The following RSL24D1 variants were observed in gnomAD, a reference collection of about 807,000 sequenced individuals.
RSL24D1 encodes the protein ribosomal L24 domain containing 1, also known as probable ribosome biogenesis protein RLP24.
Under a neutral mutation model 26.2 loss-of-function variants are expected in RSL24D1, and 6 were observed. That is an observed-to-expected ratio of 0.23 (90% CI 0.13 to 0.45). The LOEUF (loss-of-function observed/expected upper bound fraction) is 0.45. RSL24D1 is among the 20% of genes least tolerant of loss of function. RSL24D1 has a pLI of 0.99. For missense variants in RSL24D1, 176 were observed against 202.6 expected (o/e 0.87, Z 0.80); for synonymous variants, 61 against 59.1 (o/e 1.03, Z -0.15).
At chr15:55,194,825 C>G (rs893992409) in intron 1 of RSL24D1, among the ~76,000 whole-genome samples, 107 of 150,536 alleles carry the variant, frequency 7.1e-4, no homozygotes, top group Non-Finnish European at 1.2e-3. Context: ...CACACACACA[C>G]ACACACACAC....
At position 55,181,001 on chromosome 15, in the gene RSL24D1, A is replaced by G. The variant is rs1894160085; in HGVS notation, c.*1151T>C. On this transcript the variant is annotated 3_prime_UTR_variant, in exon 6 of 6. Coordinates refer to ENST00000260443, the MANE Select transcript of RSL24D1 (RefSeq NM_016304.3). ...TAACACTTGGTCCAGGGACTGGTCT[A>G]CAGCCTTAGTTTTACTATCTAATAC... The G allele has an allele frequency of 1.3e-5, 2 of 152,164 alleles. No homozygotes were observed. The highest frequency in any genetic ancestry group is 4.8e-5 in the African/African-American group (2 of 41,434). The allele number at this position is 152,164 out of a possible 1,614,324, so 9.4% of individuals were successfully genotyped here.
chr15:55,193,134 A>C (rs147050627), intron 1 of RSL24D1, among the ~76,000 whole-genome samples: 2,504 of 152,346 alleles, frequency 0.016, 38 homozygotes, highest in Middle Eastern at 0.041. Flanking sequence ...TCCTTTCTTA[A>C]TTCAGGATAA....
chr15:55,187,124 T>C (rs968528240), intron 3 of RSL24D1, among the ~76,000 whole-genome samples: 1 of 152,134 alleles, frequency 6.6e-6, no homozygotes, highest in Non-Finnish European at 1.5e-5. Context: ...ACCTACTATA[T>C]CTGAATCTAC....
At chr15:55,191,198 A>G (rs997553763) in intron 2 of RSL24D1, 151 bp from the exon 3 acceptor site, 1 of 575,324 alleles carries the variant, frequency 1.7e-6, no homozygotes, top group African/African-American at 1.9e-5. Context: ...AGGTTTTCAA[A>G]TTTTTTCTCC....
At chr15:55,183,785 T>C (rs1894195335) in intron 4 of RSL24D1, among the ~76,000 whole-genome samples, 1 of 152,178 alleles carries the variant, frequency 6.6e-6, no homozygotes, top group Non-Finnish European at 1.5e-5. Context: ...CGTAATTAGC[T>C]CAAAATAGGA....
At chr15:55,190,202 C>T (rs999597806) in intron 3 of RSL24D1, among the ~76,000 whole-genome samples, 4 of 140,594 alleles carry the variant, frequency 2.8e-5, no homozygotes, top group African/African-American at 5.4e-5. Flanking sequence ...GAGCCGAGAT[C>T]GTGCCACTGC....
At chr15:55,192,325 C>G (rs1053075858) in intron 2 of RSL24D1, 1 of 159,758 alleles carries the variant, frequency 6.3e-6, no homozygotes, top group African/African-American at 2.4e-5. Context: ...ACCAACACTA[C>G]TAATTTCTCT....
At chr15:55,194,364 G>C (rs563041454) in intron 1 of RSL24D1, 1 of 152,142 alleles carries the variant, frequency 6.6e-6, no homozygotes, top group East Asian at 1.9e-4. Flanking sequence ...ATCTGACTAG[G>C]ATATAAACAA....
rs1894166718 is a variant in RSL24D1, at chr15:55,181,565, T to C, written c.*587A>G. On this transcript the variant is annotated 3_prime_UTR_variant, in exon 6 of 6. Transcript: ENST00000260443. Reference sequence around the variant, plus strand: ...GTGTAGTGTCACTCCAGGCAAAGATTATTCAGTTCTCATCCCCAGCATCCA... The same window carrying C: ...GTGTAGTGTCACTCCAGGCAAAGATCATTCAGTTCTCATCCCCAGCATCCA... 1 of 152,538 alleles carries C rather than the reference T, an allele frequency of 6.6e-6. No homozygotes were observed. The allele number at this position is 152,538 out of a possible 1,614,324, so 9.4% of individuals were successfully genotyped here.
At chr15:55,188,390 T>G (rs1894246616) in intron 3 of RSL24D1, among the ~76,000 whole-genome samples, 2 of 152,238 alleles carry the variant, frequency 1.3e-5, no homozygotes, top group South Asian at 4.1e-4. Context: ...GAAAGCAGAA[T>G]CAGTGCAGGA....
At chr15:55,190,249 C>CAAAAAAAAAAA (rs57254193) in intron 3 of RSL24D1, among the ~76,000 whole-genome samples, 2 of 34,494 alleles carry the variant, frequency 5.8e-5, no homozygotes, top group African/African-American at 1.1e-4. Flanking sequence ...CTTTCCAACT[C>CAAAAAAAAAAA]AAAAAAAAAA....
At chr15:55,193,937 C>A (rs979813764) in intron 1 of RSL24D1, among the ~76,000 whole-genome samples, 1 of 152,114 alleles carries the variant, frequency 6.6e-6, no homozygotes, top group Non-Finnish European at 1.5e-5. Flanking sequence ...ATATGAAAAT[C>A]ATTGTGAAAT....
At chr15:55,192,434 ATC>A (rs1294896925) in intron 2 of RSL24D1, 4 of 264,684 alleles carry the variant, frequency 1.5e-5, no homozygotes, top group Non-Finnish European at 2.8e-5. Context: ...GAAATCCTTT[ATC>A]TCTTAACTTC....
At chr15:55,187,771 A>G (rs933060424) in intron 3 of RSL24D1, among the ~76,000 whole-genome samples, 1 of 152,064 alleles carries the variant, frequency 6.6e-6, no homozygotes, top group Non-Finnish European at 1.5e-5. Flanking sequence ...TAAGGGGTAA[A>G]AACTATAGAT....
In RSL24D1 at chr15:55,181,447, G is replaced by A. The variant is rs765602682; in HGVS notation, c.*705C>T. On this transcript the variant is annotated 3_prime_UTR_variant, in exon 6 of 6. Transcript: ENST00000260443. ...TTTTAAAAGGCGCTGGGATTCCTCTGCTTCTAGATCAATGCTGGGCTAGAA... is the reference window on the plus strand; with the variant it reads ...TTTTAAAAGGCGCTGGGATTCCTCTACTTCTAGATCAATGCTGGGCTAGAA... The A allele has an allele frequency of 3.3e-5, 5 of 152,582 alleles. No individual in the cohort carries two copies. The highest frequency in any genetic ancestry group is 7.3e-5 in the Non-Finnish European group (5 of 68,044). The allele number at this position is 152,582 out of a possible 1,614,324, so 9.5% of individuals were successfully genotyped here.
chr15:55,196,765 C>A, intron 1 of RSL24D1, 45 bp downstream of exon 1: 2 of 1,596,680 alleles, frequency 1.3e-6, no homozygotes, highest in Non-Finnish European at 1.7e-6. Context: ...CGCCCAGGAA[C>A]CGCGGGAGCT....
chr15:55,182,898 A>G (rs1324264896), intron 5 of RSL24D1, among the ~76,000 whole-genome samples: 1 of 152,182 alleles, frequency 6.6e-6, no homozygotes, highest in Non-Finnish European at 1.5e-5. Flanking sequence ...TATCAGAATC[A>G]TCTGGGATGT....
At chr15:55,188,723 C>A (rs1346437260) in intron 3 of RSL24D1, among the ~76,000 whole-genome samples, 1 of 152,228 alleles carries the variant, frequency 6.6e-6, no homozygotes, top group Admixed American at 6.5e-5. Context: ...GACCATGGAA[C>A]TGATTATTCA....
rs112889840 is a variant in RSL24D1 at position 55,185,406 on chromosome 15, A to G, written c.288T>C (p.Val96=). 756 of 1,608,494 alleles carry G rather than the reference A, an allele frequency of 4.7e-4. 6 individuals are homozygous for G. The African/African-American group carries it at 8.7e-3, about 19-fold the overall frequency. Residue 96 remains valine, a synonymous_variant, in exon 4 of 6, where the codon GTT becomes GTC. Transcript: ENST00000260443. Reference sequence around the variant, plus strand: ...CTTGGCGCTTCTGTTTGATTTCTTCAACTCTCTTCATCGCATCAACTACAA... The same window carrying G: ...CTTGGCGCTTCTGTTTGATTTCTTCGACTCTCTTCATCGCATCAACTACAA... ...WNKTIDAMKR[V]EEIKQKRQAK... is the part of the protein sequence containing the mutation.
Sources: gnomAD v4.1 joint callset for allele counts (sites outside exome capture counted in the v4.1 genomes callset) on GRCh38, gnomAD v4.1.1 for gene constraint, MANE v1.5 for transcripts, NCBI Gene and HGNC (gene_info 2026-07-23, HGNC 2026-07-21) for gene names.